Variants in CLYBL observed in about 807,000 individuals in gnomAD.
CLYBL encodes citramalyl-CoA lyase.
CLYBL carries 31 observed loss-of-function variants against 38.9 expected under a neutral mutation model. That is an observed-to-expected ratio of 0.80 (90% CI 0.60 to 1.08). CLYBL has a LOEUF of 1.08. Among genes scored for constraint, CLYBL ranks in the 50% least tolerant of loss-of-function variants. The pLI is 0.00. For synonymous variants in CLYBL, 171 were observed against 158.6 expected, an observed-to-expected ratio of 1.08 and a Z score of -0.59; for missense variants, 434 against 411.6, an observed-to-expected ratio of 1.05 and a Z score of -0.47.
chr13:99,858,414 G>A (rs942900713), intron 2 of CLYBL, among the ~76,000 whole-genome samples: 2 of 152,134 alleles, frequency 1.3e-5, no homozygotes, highest in Non-Finnish European at 1.5e-5. Context: ...TTTCCCTAAT[G>A]TGAAGAAGCT....
chr13:99,649,950 C>T (rs1660893479), intron 1 of CLYBL, among the ~76,000 whole-genome samples: 1 of 151,786 alleles, frequency 6.6e-6, no homozygotes, highest in Non-Finnish European at 1.5e-5. Flanking sequence ...GACCTCATCC[C>T]TACAAAAAAT....
rs2051721553 is a variant in CLYBL, at chr13:99,865,604, C to T, written c.635-636C>T. ...CATGTTCCAAATGTAAACAGGGACA[C>T]TTCCCTCCCCTCAGGGTGAAAAAAC... On this transcript the variant is annotated intron_variant, in intron 5 of 8. Transcript: ENST00000339105. The surrounding 1 kb of genome is among the most constrained non-coding windows in gnomAD (Gnocchi z 4.7). Among the ~76,000 whole-genome samples, 1 of 152,198 alleles carries T rather than the reference C, an allele frequency of 6.6e-6. No homozygotes were observed. The highest frequency in any genetic ancestry group is 6.5e-5 in the Admixed American group (1 of 15,274).
At chr13:99,878,479 C>T (rs767043495) in intron 7 of CLYBL, among the ~76,000 whole-genome samples, 54 of 152,160 alleles carry the variant, frequency 3.5e-4, no homozygotes, top group Non-Finnish European at 6.3e-4. Context: ...GCATGTTACA[C>T]ATTTGTCTTG....
intron 1 of CLYBL, among the ~76,000 whole-genome samples, chr13:99,629,472 T>C (rs1209866081): frequency 6.6e-6 from 1 of 152,108 alleles, no homozygotes; most frequent in Non-Finnish European, 1.5e-5. Flanking sequence ...TGGGCAGCGC[T>C]CTCCCTGCTG....
chr13:99,785,912 ATTT>A (rs879511503), intron 2 of CLYBL, among the ~76,000 whole-genome samples: 1 of 148,360 alleles, frequency 6.7e-6, no homozygotes, highest in Non-Finnish European at 1.5e-5. Flanking sequence ...CATTTCTTAA[ATTT>A]TTTTTTTTCT....
intron 2 of CLYBL, among the ~76,000 whole-genome samples, chr13:99,824,265 C>G (rs960170939): frequency 7.6e-6 from 1 of 130,916 alleles, no homozygotes; most frequent in Non-Finnish European, 1.6e-5. Flanking sequence ...TAGCCCCCCC[C>G]ACCCACCCCC....
At chr13:99,845,483 G>A (rs914691971) in intron 2 of CLYBL, among the ~76,000 whole-genome samples, 3 of 152,270 alleles carry the variant, frequency 2.0e-5, no homozygotes, top group African/African-American at 7.2e-5. Context: ...AAGGAATGAA[G>A]CTGCGGAAAA....
At chr13:99,611,257 C>G (rs949856438) in intron 1 of CLYBL, among the ~76,000 whole-genome samples, 5 of 152,212 alleles carry the variant, frequency 3.3e-5, no homozygotes, top group African/African-American at 7.2e-5. Flanking sequence ...TTTATTCTGA[C>G]AATTTTTGCC....
chr13:99,644,387 A>T (rs1031564846), intron 1 of CLYBL, among the ~76,000 whole-genome samples: 1 of 152,228 alleles, frequency 6.6e-6, no homozygotes, highest in African/African-American at 2.4e-5. Context: ...TTTAATAGGT[A>T]CATAGTGTAT....
At chr13:99,705,397 A>G (rs2048131604) in intron 1 of CLYBL, among the ~76,000 whole-genome samples, 1 of 152,176 alleles carries the variant, frequency 6.6e-6, no homozygotes, top group Non-Finnish European at 1.5e-5. Flanking sequence ...CCTGACCAAC[A>G]TGGTGAAACC....
chr13:99,834,019 G>T (rs910855689), intron 2 of CLYBL, among the ~76,000 whole-genome samples: 1 of 151,988 alleles, frequency 6.6e-6, no homozygotes, highest in African/African-American at 2.4e-5. Flanking sequence ...TTATTTTGAG[G>T]ACACCTGGGC....
At chr13:99,616,392 A>G (rs373140393) in intron 1 of CLYBL, among the ~76,000 whole-genome samples, 1 of 152,170 alleles carries the variant, frequency 6.6e-6, no homozygotes, top group East Asian at 1.9e-4. Context: ...GTTGTTCCAC[A>G]TGACTCTAGC....
rs2046875577 is a variant in CLYBL at position 99,626,765 on chromosome 13, T to G, written c.62+20008T>G. Among the ~76,000 whole-genome samples, 3 of 152,094 alleles carry G rather than the reference T, an allele frequency of 2.0e-5. No individual in the cohort carries two copies. The South Asian group carries it at 6.2e-4, about 31-fold the overall frequency. ...ACCTTAATGAGAAACTTCAAACAGT[T>G]TAAATGTCAATTACCAAAAAAGTAA... is the stretch of plus-strand genomic sequence containing the variant. On this transcript the variant is annotated intron_variant, in intron 1 of 8. Transcript: ENST00000339105.
chr13:99,864,069 T>G (rs1323982697), intron 4 of CLYBL, among the ~76,000 whole-genome samples: 1 of 152,100 alleles, frequency 6.6e-6, no homozygotes, highest in Non-Finnish European at 1.5e-5. Context: ...CAAAAGCATA[T>G]CCCTAAGATG....
chr13:99,878,316 C>T (rs1266851700), intron 7 of CLYBL, among the ~76,000 whole-genome samples: 2 of 152,170 alleles, frequency 1.3e-5, no homozygotes, highest in Non-Finnish European at 2.9e-5. Flanking sequence ...AATGTTAACT[C>T]ATTAAATCTG....
chr13:99,732,208 T>G (rs866383330), intron 1 of CLYBL, among the ~76,000 whole-genome samples: 11 of 137,174 alleles, frequency 8.0e-5, no homozygotes, highest in Admixed American at 3.2e-4. Flanking sequence ...GGGTCTTACC[T>G]TGTCACCTTG....
At chr13:99,702,632 CAAAAA>C (rs60185334) in intron 1 of CLYBL, among the ~76,000 whole-genome samples, 1 of 68,392 alleles carries the variant, frequency 1.5e-5, no homozygotes, top group Non-Finnish European at 3.2e-5. Flanking sequence ...AATTCCGTCT[CAAAAA>C]AAAAAAAAAA....
rs575489656 is a variant in CLYBL, at chr13:99,742,866, A to G, written c.63-29958A>G. 6.6e-5 allele frequency among the ~76,000 whole-genome samples: 10 copies of G among 152,242 alleles called. No individual in the cohort carries two copies. The South Asian group carries it at 2.1e-3, about 32-fold the overall frequency. ...ACAGGGACTGTTTGGTTTGGAAAAC[A>G]TCATCTGTTTTCCTTCTCCTCCTCC... is the stretch of plus-strand genomic sequence containing the variant. On this transcript the variant is annotated intron_variant, in intron 1 of 8. Coordinates refer to ENST00000339105, the MANE Select transcript of CLYBL (RefSeq NM_206808.5).
At position 99,684,035 on chromosome 13, in the gene CLYBL, ATTTT is replaced by A. The variant is rs778902077; in HGVS notation, c.62+77293_62+77296del. Among the ~76,000 whole-genome samples the A allele has an allele frequency of 6.8e-4, 59 of 86,378 alleles. 1 individual carries two copies. Among genetic ancestry groups the A allele is most frequent in the African/African-American group, 2.4e-3 (54 of 22,390 alleles). 56.7% of individuals were successfully genotyped at this position (86,378 alleles called of 152,430 possible). On this transcript the variant is annotated intron_variant, in intron 1 of 8. Transcript: ENST00000339105. ...AGGCGCATGCCACCATGCCTGGCTA[ATTTT>A]TTTTTTTTTTTTTTGTATTTTTAAT...
Sources: allele counts gnomAD v4.1 joint callset (sites outside exome capture counted in the v4.1 genomes callset), GRCh38; gene constraint gnomAD v4.1.1; non-coding constraint Gnocchi (gnomAD v3.1); transcripts MANE v1.5; gene names NCBI Gene and HGNC (gene_info 2026-07-23, HGNC 2026-07-21).